The following STK10 variants were observed in gnomAD, a reference collection of about 807,000 sequenced individuals.
The protein encoded by STK10 is serine/threonine-protein kinase 10.
A neutral mutation model predicts 113.8 loss-of-function variants in STK10; 78 were observed. The observed-to-expected ratio is 0.69, with a 90% CI of 0.57 to 0.83. STK10 has a LOEUF of 0.83. STK10 is among the 40% of genes least tolerant of loss of function. The pLI is 0.00. For missense variants in STK10, 1,109 were observed against 1,280.1 expected, an observed-to-expected ratio of 0.87 and a Z score of 2.04; for synonymous variants, 465 against 494.7, an observed-to-expected ratio of 0.94 and a Z score of 0.80.
Position 172,188,010 on chromosome 5 carries a change from G to A in STK10, c.33C>T (p.Arg11=), listed in dbSNP as rs769229150. The A allele has an allele frequency of 6.2e-7, 1 of 1,613,222 alleles. No individual in the cohort carries two copies. Among genetic ancestry groups the A allele is most frequent in the East Asian group, 2.2e-5 (1 of 44,856 alleles). The change falls in exon 1 of 19, where the codon CGC becomes CGT. Residue 11 remains arginine (R), a synonymous_variant. Transcript: ENST00000176763. This position sits in a 1 kb window ranked among gnomAD's most constrained non-coding sequence, Gnocchi z 5.6. MAFANFRRIL[R]LSTFEKRKSR... is the part of the protein sequence containing the mutation. ...ACTTTCTCTTCTCGAAGGTAGACAG[G>A]CGCAGGATGCGGCGGAAATTGGCAA...
At chr5:172,106,477 A>G in intron 6 of STK10, 143 bp downstream of exon 6, 1 of 732,402 alleles carries the variant, frequency 1.4e-6, no homozygotes, top group South Asian at 2.6e-5. Context: ...ACGCCTGAAG[A>G]CCCCCAGGCC....
In STK10 at chr5:172,093,368, G is replaced by A. The variant is rs200421081; in HGVS notation, c.1554+44C>T. ...CCAAAATGGAGCCACAGAACATCCTGCAATGGTCTTGCTGCAAGCCCGTGG... is the reference window on the plus strand; with the variant it reads ...CCAAAATGGAGCCACAGAACATCCTACAATGGTCTTGCTGCAAGCCCGTGG... On this transcript the variant is annotated intron_variant, in intron 9 of 18. Coordinates refer to ENST00000176763, the MANE Select transcript of STK10 (RefSeq NM_005990.4). This position sits in a 1 kb window ranked among gnomAD's most constrained non-coding sequence, Gnocchi z 4.1. 7.1e-5 allele frequency: 109 copies of A among 1,534,680 alleles called. No homozygotes were observed. In the African/African-American group the frequency reaches 1.4e-3, roughly 20 times the overall value.
intron 14 of STK10, among the ~76,000 whole-genome samples, chr5:172,058,938 A>T (rs1330134097): frequency 6.6e-6 from 1 of 151,966 alleles, no homozygotes; most frequent in African/African-American, 2.4e-5. Flanking sequence ...AAAAGCTCAA[A>T]CAGGGCCAGG....
intron 1 of STK10, among the ~76,000 whole-genome samples, chr5:172,158,484 G>A (rs919018657): frequency 1.4e-4 from 22 of 151,974 alleles, no homozygotes; most frequent in Non-Finnish European, 2.9e-4. Flanking sequence ...AAAATTAGCC[G>A]GGCGTGGTGG....
At chr5:172,085,924 T>G in intron 10 of STK10, among the ~76,000 whole-genome samples, 1 of 151,870 alleles carries the variant, frequency 6.6e-6, no homozygotes, top group East Asian at 1.9e-4. Flanking sequence ...GGAGGGGCCA[T>G]AACTGCTCAC....
chr5:172,047,900 T>G (rs1484658740), intron 18 of STK10, among the ~76,000 whole-genome samples: 1 of 49,756 alleles, frequency 2.0e-5, no homozygotes, highest in Admixed American at 2.0e-4. Context: ...GTTTTTTGGG[T>G]TTTTTTTTTT....
intron 14 of STK10, 95 bp from the exon 15 acceptor site, chr5:172,057,568 G>T: frequency 6.7e-7 from 1 of 1,486,468 alleles, no homozygotes; most frequent in Non-Finnish European, 9.0e-7. Context: ...CCTCATGCTG[G>T]AGATGATAAC....
intron 4 of STK10, among the ~76,000 whole-genome samples, chr5:172,108,781 ATTAAT>A: frequency 6.6e-6 from 1 of 151,692 alleles, no homozygotes; most frequent in East Asian, 1.9e-4. Flanking sequence ...ATTACTATTT[ATTAAT>A]TTATTATTAT....
intron 3 of STK10, 119 bp downstream of exon 3, chr5:172,127,254 G>T: frequency 9.4e-7 from 1 of 1,064,124 alleles, no homozygotes; most frequent in South Asian, 1.4e-5. Flanking sequence ...GAGGCCATGG[G>T]AACTGATGGA....
At chr5:172,111,089 C>G (rs957292441) in intron 4 of STK10, among the ~76,000 whole-genome samples, 6 of 152,152 alleles carry the variant, frequency 3.9e-5, no homozygotes, top group Non-Finnish European at 7.4e-5. Flanking sequence ...GGTGCAGAAG[C>G]AGGAAACCCA....
At chr5:172,083,676 A>G (rs1395217988) in intron 10 of STK10, among the ~76,000 whole-genome samples, 4 of 151,660 alleles carry the variant, frequency 2.6e-5, no homozygotes, top group Non-Finnish European at 4.4e-5. Context: ...GGGAGGCCAA[A>G]GCAGAAGAAT....
intron 9 of STK10, among the ~76,000 whole-genome samples, chr5:172,092,034 C>T (rs1302217839): frequency 6.6e-6 from 1 of 152,222 alleles, no homozygotes; most frequent in African/African-American, 2.4e-5. Flanking sequence ...GGCACCTCGC[C>T]CAGGGGCTCT....
At chr5:172,062,121 G>A (rs1198522971) in intron 13 of STK10, among the ~76,000 whole-genome samples, 1 of 151,738 alleles carries the variant, frequency 6.6e-6, no homozygotes, top group Non-Finnish European at 1.5e-5. Flanking sequence ...GGGACTACAG[G>A]TGCACACCAC....
chr5:172,182,550 A>ATTT (rs774193068), intron 1 of STK10, among the ~76,000 whole-genome samples: 2 of 107,520 alleles, frequency 1.9e-5, no homozygotes, highest in African/African-American at 7.7e-5. Context: ...TGCCCAGCTC[A>ATTT]TTTTTTTTTT....
intron 3 of STK10, among the ~76,000 whole-genome samples, chr5:172,119,798 A>G (rs1007281495): frequency 1.3e-5 from 2 of 150,004 alleles, no homozygotes; most frequent in African/African-American, 2.5e-5. Flanking sequence ...CGGGAGGCAG[A>G]GCTTGCAGTG....
chr5:172,045,288 G>A (rs1767472531), intron 18 of STK10: 2 of 604,244 alleles, frequency 3.3e-6, no homozygotes, highest in Non-Finnish European at 6.0e-6. Flanking sequence ...GGGCAGGGAG[G>A]AAAAAAAAGC....
chr5:172,106,626 G>C lies in STK10; in HGVS notation c.782C>G (p.Ser261Cys). ...CCCTGCCCCTGCCCCTCACCACTTAGAGGGCGTGAGCAGCGTGGGAGGGTC... is the reference window on the plus strand; with the variant it reads ...CCCTGCCCCTGCCCCTCACCACTTACAGGGCGTGAGCAGCGTGGGAGGGTC... ...KSDPPTLLTP[S>C]KWSVEFRDFL... The change falls in exon 6 of 19, where the codon TCT becomes TGT. Residue 261 changes from serine to cysteine, a missense_variant. By Grantham distance (112) the Ser-to-Cys change is moderately radical. This residue lies in a region of STK10 where 885 missense variants were observed against 991.1 expected (regional missense o/e 0.89). Coordinates refer to ENST00000176763, the MANE Select transcript of STK10 (RefSeq NM_005990.4). 6.2e-7 allele frequency: 1 copy of C among 1,612,138 alleles called. No individual in the cohort carries two copies. The highest frequency in any genetic ancestry group is 2.2e-5 in the East Asian group (1 of 44,826).
At chr5:172,097,573 C>T (rs751102072) in intron 7 of STK10, among the ~76,000 whole-genome samples, 1 of 152,114 alleles carries the variant, frequency 6.6e-6, no homozygotes, top group Non-Finnish European at 1.5e-5. Flanking sequence ...CCTACATTGT[C>T]GCCTATTTCA....
At chr5:172,056,918 GAAGGAAGGAAGGAAAGA>G in intron 15 of STK10, 1 of 146,004 alleles carries the variant, frequency 6.8e-6, no homozygotes, top group African/African-American at 2.6e-5. Flanking sequence ...AAGAAAGAAA[GAAGGAAGGAAGGAAAGA>G]AAAGAAAGAA....
Sources: allele counts gnomAD v4.1 joint callset (sites outside exome capture counted in the v4.1 genomes callset), GRCh38; gene constraint gnomAD v4.1.1; regional missense constraint gnomAD v4.1.1; non-coding constraint Gnocchi (gnomAD v3.1); transcripts MANE v1.5; gene names NCBI Gene and HGNC (gene_info 2026-07-23, HGNC 2026-07-21).